Variants in ALS2CL observed in about 807,000 individuals in gnomAD.
ALS2CL encodes the protein ALS2 C-terminal like.
A neutral mutation model predicts 127.9 loss-of-function variants in ALS2CL; 112 were observed. That is an observed-to-expected ratio of 0.88 (90% confidence interval 0.75 to 1.02). The LOEUF is 1.02. ALS2CL is among the 50% of genes least tolerant of loss of function. ALS2CL has a pLI of 0.00. For synonymous variants in ALS2CL, 519 were observed against 527.6 expected (o/e 0.98, Z 0.22); for missense variants, 1,174 against 1,236.7 (o/e 0.95, Z 0.76).
chr3:46,687,297 G>T, intron 4 of ALS2CL, 149 bp from the exon 5 acceptor site: 1 of 906,300 alleles, frequency 1.1e-6, no homozygotes, highest in South Asian at 1.8e-5. Flanking sequence ...CACAGTACCT[G>T]AGTTGCCCTC....
At chr3:46,671,851 C>CTGCCCT (rs1185586125) in intron 24 of ALS2CL, 33 bp downstream of exon 24, 1 of 1,611,426 alleles carries the variant, frequency 6.2e-7, no homozygotes, top group African/African-American at 1.3e-5. Context: ...GACCCTGCCC[C>CTGCCCT]TGCCCTGCAC....
chr3:46,676,080 C>T (rs1046787818), intron 19 of ALS2CL, 165 bp downstream of exon 19: 30 of 1,363,464 alleles, frequency 2.2e-5, no homozygotes, highest in Non-Finnish European at 2.2e-5. Flanking sequence ...TCTCACCTCC[C>T]CACCCTCTAA....
chr3:46,682,545 C>T (rs952939632), intron 10 of ALS2CL, among the ~76,000 whole-genome samples: 2 of 152,148 alleles, frequency 1.3e-5, no homozygotes, highest in Non-Finnish European at 1.5e-5. Context: ...GAGAGTGTAG[C>T]CTTGTGAGTC....
chr3:46,684,065 C>G lies in ALS2CL; in HGVS notation c.787-18G>C, dbSNP rs1699582467. On this transcript the variant is annotated intron_variant, in intron 7 of 25. Transcript: ENST00000318962. ...TTGTGGCCCTGGAAGAGGATGGACACAGGAGTCATCCAGAGCCCAGGCCAG... is the reference window on the plus strand; with the variant it reads ...TTGTGGCCCTGGAAGAGGATGGACAGAGGAGTCATCCAGAGCCCAGGCCAG... 6.4e-7 allele frequency: 1 copy of G among 1,552,040 alleles called. No individual in the cohort carries two copies. Among genetic ancestry groups the G allele is most frequent in the Non-Finnish European group, 8.7e-7 (1 of 1,147,620 alleles).
At chr3:46,680,601 C>A in intron 13 of ALS2CL, 60 bp from the exon 14 acceptor site, 1 of 1,502,150 alleles carries the variant, frequency 6.7e-7, no homozygotes, top group Non-Finnish European at 9.2e-7. Flanking sequence ...ACCTCCTGGG[C>A]ACTCTGCTGG....
At position 46,681,622 on chromosome 3, in the gene ALS2CL, G is replaced by T; in HGVS notation, c.1176-24C>A. 6.2e-7 allele frequency: 1 copy of T among 1,612,068 alleles called. No individual in the cohort carries two copies. The highest frequency in any genetic ancestry group is 8.5e-7 in the Non-Finnish European group (1 of 1,178,440). On this transcript the variant is annotated intron_variant, in intron 11 of 25. Transcript: ENST00000318962. This position sits in a 1 kb window ranked among gnomAD's most constrained non-coding sequence, Gnocchi z 4.9. ...AGCTGACAGCATGGTTGTGGGGGTG[G>T]GGATCAGCCCTGACCTGAGACGCCC...
In ALS2CL at chr3:46,676,389, G is replaced by C. The variant is rs1488395485; in HGVS notation, c.2042C>G (p.Ser681Ter). 4 of 1,613,898 alleles carry C rather than the reference G, an allele frequency of 2.5e-6. No individual in the cohort carries two copies. Among genetic ancestry groups the C allele is most frequent in the Non-Finnish European group, 3.4e-6 (4 of 1,179,988 alleles). Residue 681 changes from serine (S) to a stop codon, truncating the protein, a stop_gained, in exon 19 of 26, where the codon TCA becomes TGA. Coordinates refer to ENST00000318962, the MANE Select transcript of ALS2CL (RefSeq NM_147129.5). LOFTEE classifies it high-confidence loss of function. Reference sequence around the variant, plus strand: ...GAGCAGCTTTCCCAGGGGGTGCAGTGAGTTGCTCAGAGCCTGGGCCAGTGC... The same window carrying C: ...GAGCAGCTTTCCCAGGGGGTGCAGTCAGTTGCTCAGAGCCTGGGCCAGTGC... ...QLYLRKALSN[S>*]LHPLGKLLRT...
At chr3:46,679,095 G>C in intron 15 of ALS2CL, 115 bp downstream of exon 15, 1 of 1,089,708 alleles carries the variant, frequency 9.2e-7, no homozygotes, top group South Asian at 1.6e-5. Context: ...TTGGCTCCAA[G>C]GGAGGTGGGA....
intron 1 of ALS2CL, among the ~76,000 whole-genome samples, chr3:46,692,365 G>T (rs1700212020): frequency 6.6e-6 from 1 of 150,688 alleles, no homozygotes; most frequent in Non-Finnish European, 1.5e-5. Context: ...CCCAACCCCT[G>T]TCCCATCCCT....
chr3:46,672,115 C>G (rs778867387), intron 23 of ALS2CL, 25 bp downstream of exon 23: 3 of 1,614,062 alleles, frequency 1.9e-6, no homozygotes, highest in African/African-American at 1.3e-5. Flanking sequence ...CTCCGGACCC[C>G]CAACCCACTA....
At chr3:46,676,458 C>T in intron 18 of ALS2CL, 56 bp from the exon 19 acceptor site, 1 of 1,606,060 alleles carries the variant, frequency 6.2e-7, no homozygotes, top group South Asian at 1.1e-5. Flanking sequence ...TGGAGCACAG[C>T]ATGCCCACAC....
Position 46,669,797 on chromosome 3 carries a change from G to A in ALS2CL, c.*1187C>T, listed in dbSNP as rs990373371. ...GCCCACATCATCTCTGGGACTCTGC[G>A]GGTGCCCTCTGCCCCAAGGCTACTG... is the stretch of plus-strand genomic sequence containing the variant. On this transcript the variant is annotated 3_prime_UTR_variant, in exon 26 of 26. Transcript: ENST00000318962. 6 of 152,284 alleles carry A rather than the reference G, an allele frequency of 3.9e-5. No individual in the cohort carries two copies. Among genetic ancestry groups the A allele is most frequent in the East Asian group, 1.9e-4 (1 of 5,178 alleles). 9.4% of individuals were successfully genotyped at this position (152,284 alleles called of 1,614,324 possible).
At chr3:46,687,259 G>T in intron 4 of ALS2CL, 111 bp from the exon 5 acceptor site, 2 of 1,224,186 alleles carry the variant, frequency 1.6e-6, no homozygotes, top group Non-Finnish European at 2.2e-6. Flanking sequence ...CCAGCCCCAG[G>T]CCCAAAACCT....
At position 46,686,337 on chromosome 3, in the gene ALS2CL, G is replaced by C. The variant is rs1203134791; in HGVS notation, c.637C>G (p.Leu213Val). Residue 213 changes from leucine to valine, a missense_variant, in exon 6 of 26, where the codon CTC becomes GTC. By Grantham distance (32) the Leu-to-Val change is conservative. Transcript: ENST00000318962. The surrounding 1 kb of genome is among the most constrained non-coding windows in gnomAD (Gnocchi z 4.3). ...AGCCGGCCTCTCAGGGTGTGCCAGA[G>C]AGCCTGTGTGGCCACAGCCTGGTCC... ...ELDQAVATQA[L>V]WHTLRGRLRD... 3 of 1,613,240 alleles carry C rather than the reference G, an allele frequency of 1.9e-6. No homozygotes were observed. Among genetic ancestry groups the C allele is most frequent in the Non-Finnish European group, 2.5e-6 (3 of 1,179,688 alleles).
At chr3:46,680,237 C>T (rs1415598241) in intron 14 of ALS2CL, 193 bp downstream of exon 14, 3 of 589,288 alleles carry the variant, frequency 5.1e-6, no homozygotes, top group African/African-American at 3.7e-5. Flanking sequence ...CAAGGTCAGG[C>T]AGAGCAGGGA....
intron 7 of ALS2CL, among the ~76,000 whole-genome samples, chr3:46,684,651 G>A (rs1559478409): frequency 6.6e-6 from 1 of 152,228 alleles, no homozygotes; most frequent in Non-Finnish European, 1.5e-5. Flanking sequence ...GAGGGGTGAG[G>A]AGGAGCTTGC....
In ALS2CL at chr3:46,689,429, AG is replaced by A; in HGVS notation, c.11del (p.Pro4LeufsTer60). On this transcript the variant is annotated frameshift_variant, in exon 2 of 26. Transcript: ENST00000318962. LOFTEE classifies it high-confidence loss of function. ...CCAGCCGCAGCAGAGCTGCCTCCTC[AG>A]GGTTGCACATGGCCAGGTGCCGGAC... The part of the protein sequence containing the change: MCN[P>X]EEAALLRLEE... 2 of 1,609,858 alleles carry A rather than the reference AG, an allele frequency of 1.2e-6. No homozygotes were observed. Among genetic ancestry groups the A allele is most frequent in the Non-Finnish European group, 1.7e-6 (2 of 1,178,586 alleles).
intron 16 of ALS2CL, 95 bp downstream of exon 16, chr3:46,678,164 T>C (rs1247566650): frequency 1.1e-5 from 14 of 1,317,818 alleles, no homozygotes; most frequent in Non-Finnish European, 1.4e-5. Context: ...AAGAGGTGGG[T>C]GCAAAAAGGC....
At position 46,683,238 on chromosome 3, in the gene ALS2CL, G is replaced by A; in HGVS notation, c.1001C>T (p.Pro334Leu). 1 of 1,609,952 alleles carries A rather than the reference G, an allele frequency of 6.2e-7. No homozygotes were observed. Among genetic ancestry groups the A allele is most frequent in the African/African-American group, 1.3e-5 (1 of 74,876 alleles). ...GCAGCGGCAGTCGGGAGGCTGGGAG[G>A]GCTCCAGGCCAGCCCCCAGCACGGG... Reference protein sequence around the residue: ...DFPVLGAGLEPSQPPDCRCAE... With the variant: ...DFPVLGAGLELSQPPDCRCAE... Residue 334 changes from proline to leucine, a missense_variant, in exon 10 of 26, where the codon CCC becomes CTC. Coordinates refer to ENST00000318962, the MANE Select transcript of ALS2CL (RefSeq NM_147129.5).
Sources: gnomAD v4.1 joint callset for allele counts (sites outside exome capture counted in the v4.1 genomes callset) on GRCh38, gnomAD v4.1.1 for gene constraint, Gnocchi (gnomAD v3.1) non-coding constraint, MANE v1.5 for transcripts, NCBI Gene and HGNC (gene_info 2026-07-23, HGNC 2026-07-21) for gene names.